UCHL5: variants seen among roughly 807,000 people sequenced by gnomAD.
The protein encoded by UCHL5 is ubiquitin carboxyl-terminal hydrolase isozyme L5.
A neutral mutation model predicts 53.8 loss-of-function variants in UCHL5; 34 were observed. The observed-to-expected ratio is 0.63, with a 90% CI of 0.48 to 0.84. The LOEUF is 0.84. UCHL5 is among the 40% of genes least tolerant of loss of function. The pLI is 0.00. For synonymous variants in UCHL5, 111 were observed against 126.3 expected, an observed-to-expected ratio of 0.88 and a Z score of 0.81; for missense variants, 290 against 385.6, an observed-to-expected ratio of 0.75 and a Z score of 2.08.
chr1:193,055,391 C>CT (rs1670310384), intron 1 of UCHL5, among the ~76,000 whole-genome samples: 1 of 152,200 alleles, frequency 6.6e-6, no homozygotes, highest in South Asian at 2.1e-4. Flanking sequence ...AGCCTCACTA[C>CT]TTGTGCAGCA....
intron 2 of UCHL5, 108 bp downstream of exon 2, chr1:193,051,646 T>C (rs1669094014): frequency 1.8e-6 from 1 of 549,702 alleles, no homozygotes. Context: ...GGACATAACG[T>C]ATTCAACCTA....
intron 3 of UCHL5, among the ~76,000 whole-genome samples, chr1:193,038,493 C>T (rs1237155972): frequency 6.6e-6 from 1 of 150,508 alleles, no homozygotes; most frequent in Non-Finnish European, 1.5e-5. Flanking sequence ...CCTCTAAGAT[C>T]AGGAACAAGA....
intron 3 of UCHL5, among the ~76,000 whole-genome samples, chr1:193,030,914 A>G (rs1661133944): frequency 6.6e-6 from 1 of 152,154 alleles, no homozygotes; most frequent in African/African-American, 2.4e-5. Context: ...CCATTACAGA[A>G]TAGTCTCGTA....
intron 2 of UCHL5, 58 bp from the exon 3 acceptor site, chr1:193,049,909 T>C: frequency 1.4e-6 from 2 of 1,414,184 alleles, no homozygotes; most frequent in Non-Finnish European, 1.9e-6. Context: ...TAATACATTG[T>C]TAATCTATAA....
chr1:193,027,593 G>A (rs1467876808), intron 7 of UCHL5, among the ~76,000 whole-genome samples: 4 of 152,134 alleles, frequency 2.6e-5, no homozygotes, highest in African/African-American at 7.2e-5. Flanking sequence ...GCTGAGACAC[G>A]AGAATCGCTT....
chr1:193,038,232 A>G (rs938844112), intron 3 of UCHL5, among the ~76,000 whole-genome samples: 85 of 151,830 alleles, frequency 5.6e-4, no homozygotes, highest in African/African-American at 2.0e-3. Context: ...CGAGGCGGGC[A>G]GATTACGAGG....
chr1:193,036,005 T>TA (rs1663249018), intron 3 of UCHL5, among the ~76,000 whole-genome samples: 1 of 151,466 alleles, frequency 6.6e-6, no homozygotes, highest in African/African-American at 2.4e-5. Flanking sequence ...TCACTAAAAA[T>TA]AAAAAACAAC....
At chr1:193,018,061 T>A (rs1169309651) in intron 10 of UCHL5, among the ~76,000 whole-genome samples, 1 of 151,566 alleles carries the variant, frequency 6.6e-6, no homozygotes, top group East Asian at 1.9e-4. Context: ...TATTAAAAAG[T>A]ACTGACTCAA....
Position 193,029,422 on chromosome 1 carries a change from C to T in UCHL5, c.400G>A (p.Asp134Asn). Residue 134 changes from aspartate to asparagine, a missense_variant, in exon 5 of 11, where the codon GAT becomes AAT. Physicochemically the swap from Asp to Asn is conservative, Grantham distance 23 (BLOSUM62 1). Transcript: ENST00000367454. ...AMKGLALSNS[D>N]VIRQVHNSFA... ...CTGTTGTGTACTTGTCGAATCACAT[C>T]TGAATTGCTCAGTGCCAAGCCTTTC... The T allele has an allele frequency of 6.2e-7, 1 of 1,613,732 alleles. No homozygotes were observed. The highest frequency in any genetic ancestry group is 8.5e-7 in the Non-Finnish European group (1 of 1,179,858).
chr1:193,027,932 G>A, intron 7 of UCHL5, 153 bp downstream of exon 7: 1 of 1,476,670 alleles, frequency 6.8e-7, no homozygotes, highest in Middle Eastern at 2.3e-4. Flanking sequence ...AGACCAGCCT[G>A]GGCAACATGG....
At chr1:193,039,161 G>A (rs1293547937) in intron 3 of UCHL5, among the ~76,000 whole-genome samples, 1 of 152,186 alleles carries the variant, frequency 6.6e-6, no homozygotes. Flanking sequence ...AGTACTTTGG[G>A]AGCCCAAGGC....
intron 10 of UCHL5, among the ~76,000 whole-genome samples, 172 bp downstream of exon 10, chr1:193,020,925 A>G (rs1656763857): frequency 6.6e-6 from 1 of 152,022 alleles, no homozygotes; most frequent in African/African-American, 2.4e-5. Flanking sequence ...TTTGTTTTAC[A>G]GTCTCAATTG....
In UCHL5 at chr1:193,033,077, T is replaced by G. The variant is rs758461183; in HGVS notation, c.247-3420A>C. ...ATTCTACTATAAAGAAACATGCACA[T>G]GTATGTTTATTGCAGTATTGTTCAC... On this transcript the variant is annotated intron_variant, in intron 3 of 10. Transcript: ENST00000367454. Among the ~76,000 whole-genome samples, 3 of 152,126 alleles carry G rather than the reference T, an allele frequency of 2.0e-5. No individual in the cohort carries two copies. In the East Asian group the frequency reaches 5.8e-4, roughly 29 times the overall value.
chr1:193,059,408 G>C (rs762105906), upstream of UCHL5: 23 of 1,610,044 alleles, frequency 1.4e-5, no homozygotes, highest in Non-Finnish European at 2.0e-5. The surrounding 1 kb of genome is among the most constrained non-coding windows in gnomAD (Gnocchi z 4.9). Context: ...TCCGGGCGCC[G>C]TCACCTGCAG....
intron 3 of UCHL5, among the ~76,000 whole-genome samples, chr1:193,034,715 C>T (rs1165657441): frequency 6.6e-6 from 1 of 151,930 alleles, no homozygotes. Context: ...CTATATTTAA[C>T]CCAATAGTGC....
At chr1:193,055,514 C>G (rs6676322) in intron 1 of UCHL5, among the ~76,000 whole-genome samples, 103,277 of 152,088 alleles carry the variant, frequency 0.68, 36,006 homozygotes, top group Non-Finnish European at 0.76. Flanking sequence ...ATCTCTAAAC[C>G]AAAAGTTGTC....
intron 3 of UCHL5, among the ~76,000 whole-genome samples, chr1:193,049,189 T>C (rs1283699763): frequency 6.6e-6 from 1 of 152,032 alleles, no homozygotes; most frequent in East Asian, 1.9e-4. Context: ...AAGGCGGGTG[T>C]ATCACCTGAG....
chr1:193,023,051 G>A lies in UCHL5; in HGVS notation c.733-15C>T. Reference sequence around the variant, plus strand: ...TCCATGGGTTCCTCCTTGGGGGAAGGAAAAGAAATAGCACACCCTAATAAT... The same window carrying A: ...TCCATGGGTTCCTCCTTGGGGGAAGAAAAAGAAATAGCACACCCTAATAAT... On this transcript the variant is annotated splice_polypyrimidine_tract_variant and intron_variant, in intron 8 of 10. Coordinates refer to ENST00000367454, the MANE Select transcript of UCHL5 (RefSeq NM_001199261.3). 1 of 1,532,964 alleles carries A rather than the reference G, an allele frequency of 6.5e-7. No individual in the cohort carries two copies. Among genetic ancestry groups the A allele is most frequent in the Non-Finnish European group, 9.0e-7 (1 of 1,110,048 alleles). The allele number at this position is 1,532,964 out of a possible 1,614,324, so 95.0% of individuals were successfully genotyped here.
chr1:193,042,014 A>G (rs554126844), intron 3 of UCHL5, among the ~76,000 whole-genome samples: 1 of 151,880 alleles, frequency 6.6e-6, no homozygotes, highest in Admixed American at 6.6e-5. Flanking sequence ...AGTCCCAGCT[A>G]CTCAGGAGGC....
Sources: gnomAD v4.1 joint callset for allele counts (sites outside exome capture counted in the v4.1 genomes callset) on GRCh38, gnomAD v4.1.1 for gene constraint, Gnocchi (gnomAD v3.1) non-coding constraint, MANE v1.5 for transcripts, NCBI Gene and HGNC (gene_info 2026-07-23, HGNC 2026-07-21) for gene names.